The following DNAAF5 variants were observed in gnomAD, a reference collection of about 807,000 sequenced individuals.
The protein encoded by DNAAF5 is dynein axonemal assembly factor 5.
In DNAAF5, 64 loss-of-function variants were observed where a neutral mutation model predicts 75.8. That is an observed-to-expected ratio of 0.84 (90% confidence interval 0.69 to 1.04). The LOEUF (loss-of-function observed/expected upper bound fraction) is 1.04, where lower values mean the gene tolerates loss of function less well. Ranked by LOEUF, DNAAF5 falls within the 50% of genes least tolerant of loss-of-function variation. DNAAF5 has a pLI of 0.00. For synonymous variants in DNAAF5, 657 were observed against 557.2 expected (o/e 1.18, Z -2.52); for missense variants, 1,269 against 1,178.5 (o/e 1.08, Z -1.12).
At chr7:762,337 A>C (rs1215907088) in intron 7 of DNAAF5, among the ~76,000 whole-genome samples, 1 of 152,006 alleles carries the variant, frequency 6.6e-6, no homozygotes, top group African/African-American at 2.4e-5. Flanking sequence ...AATACAAAAA[A>C]TTAGCCAGGC....
rs370779107 is a variant in DNAAF5 at position 756,907 on chromosome 7, G to T, written c.1383G>T (p.Arg461=). Residue 461 remains arginine, a synonymous_variant, in exon 6 of 13, where the codon CGG becomes CGT. Coordinates refer to ENST00000297440, the MANE Select transcript of DNAAF5 (RefSeq NM_017802.4). ...SGLLVLASAM[R]GCPREALQPH... The stretch of plus-strand genomic sequence containing the variant: ...TCCTGGTGCTGGCCTCCGCCATGCG[G>T]GGTTGCCCCCGAGAAGCCCTCCAGC... 1.4e-5 allele frequency: 22 copies of T among 1,611,984 alleles called. No homozygotes were observed. In the African/African-American group the frequency reaches 2.8e-4, roughly 21 times the overall value.
chr7:746,956 T>C (rs1187211784), intron 4 of DNAAF5, among the ~76,000 whole-genome samples: 5 of 152,204 alleles, frequency 3.3e-5, no homozygotes, highest in Non-Finnish European at 7.3e-5. Flanking sequence ...GGCTCATGCA[T>C]GGCACCTGTG....
Position 751,613 on chromosome 7 carries a change from G to T in DNAAF5, c.1025-2976G>T, listed in dbSNP as rs180781065. Among the ~76,000 whole-genome samples, 6 of 128,292 alleles carry T rather than the reference G, an allele frequency of 4.7e-5. No homozygotes were observed. In the Admixed American group the frequency reaches 5.5e-4, roughly 12 times the overall value. The allele number at this position is 128,292 out of a possible 152,430, so 84.2% of individuals were successfully genotyped here. Reference sequence around the variant, plus strand: ...TTTTGAGATGGAGTCTCACTCTGTCGCCCAGGCTGGAGTGCAGTGGTGTAA... The same window carrying T: ...TTTTGAGATGGAGTCTCACTCTGTCTCCCAGGCTGGAGTGCAGTGGTGTAA... On this transcript the variant is annotated intron_variant, in intron 4 of 12. Coordinates refer to ENST00000297440, the MANE Select transcript of DNAAF5 (RefSeq NM_017802.4).
intron 4 of DNAAF5, among the ~76,000 whole-genome samples, chr7:746,590 C>A (rs1262853457): frequency 6.6e-6 from 1 of 151,042 alleles, no homozygotes; most frequent in Non-Finnish European, 1.5e-5. Context: ...CTTTTCCCCG[C>A]CCGTCGTGCC....
At chr7:731,876 A>AC (rs1781597016) in intron 2 of DNAAF5, among the ~76,000 whole-genome samples, 1 of 150,496 alleles carries the variant, frequency 6.6e-6, no homozygotes, top group Non-Finnish European at 1.5e-5. Flanking sequence ...CAGCCCTGCG[A>AC]CCCCGTCCTG....
At chr7:783,733 C>T (rs996024563) in intron 12 of DNAAF5, among the ~76,000 whole-genome samples, 2 of 151,838 alleles carry the variant, frequency 1.3e-5, no homozygotes, top group African/African-American at 4.8e-5. Context: ...CCCCACACTC[C>T]CTGGCAAATC....
intron 4 of DNAAF5, among the ~76,000 whole-genome samples, chr7:749,218 G>A (rs930116147): frequency 5.9e-5 from 9 of 152,222 alleles, no homozygotes; most frequent in Admixed American, 3.9e-4. Flanking sequence ...CACGCCTGGT[G>A]TGTATCTGAC....
intron 8 of DNAAF5, among the ~76,000 whole-genome samples, chr7:766,510 G>C (rs920464308): frequency 6.6e-6 from 1 of 152,172 alleles, no homozygotes; most frequent in South Asian, 2.1e-4. Flanking sequence ...ACATTGATTT[G>C]ACTATATACA....
Position 750,308 on chromosome 7 carries a change from C to T in DNAAF5, c.1025-4281C>T, listed in dbSNP as rs1048034169. On this transcript the variant is annotated intron_variant, in intron 4 of 12. Transcript: ENST00000297440. ...AGGCTGCGCCATCTAGGCTTGTGTA[C>T]GTCACTGTAGTACGTTCACACGGCA... Among the ~76,000 whole-genome samples, 8 of 152,326 alleles carry T rather than the reference C, an allele frequency of 5.3e-5. No homozygotes were observed. The South Asian group carries it at 8.3e-4, about 16-fold the overall frequency.
In DNAAF5 at chr7:780,471, G is replaced by A. The variant is rs536102401; in HGVS notation, c.2431+327G>A. Among the ~76,000 whole-genome samples the A allele has an allele frequency of 3.9e-5, 6 of 152,360 alleles. No individual in the cohort carries two copies. In the East Asian group the frequency reaches 5.8e-4, roughly 15 times the overall value. On this transcript the variant is annotated intron_variant, in intron 12 of 12. Coordinates refer to ENST00000297440, the MANE Select transcript of DNAAF5 (RefSeq NM_017802.4). ...AATACTTTCCAAAACAAAATCATCT[G>A]CAAGAACGATTTTTGCAAATGTCTT...
At chr7:727,416 C>A in intron 1 of DNAAF5, 101 bp downstream of exon 1, 1 of 551,836 alleles carries the variant, frequency 1.8e-6, no homozygotes, top group East Asian at 4.4e-5. Flanking sequence ...GGCCCCGCCC[C>A]CCTCCACGCC....
rs1039124490 is a variant in DNAAF5, at chr7:726,849, G to T, written c.129G>T (p.Lys43Asn). The T allele has an allele frequency of 7.6e-7, 1 of 1,321,126 alleles. No individual in the cohort carries two copies. Among genetic ancestry groups the T allele is most frequent in the Non-Finnish European group, 9.6e-7 (1 of 1,038,460 alleles). 81.8% of individuals were successfully genotyped at this position (1,321,126 alleles called of 1,614,324 possible). A position where few individuals can be genotyped will look rare whatever the true frequency, so the allele number is the denominator to read the frequency against. Residue 43 changes from lysine (K) to asparagine (N), a missense_variant, in exon 1 of 13, where the codon AAG (lysine) becomes AAT (asparagine). Coordinates refer to ENST00000297440, the MANE Select transcript of DNAAF5 (RefSeq NM_017802.4). ...RLLPGLEADS[K>N]PGRRRALEAL... ...TGCCGGGGCTGGAGGCCGACAGCAA[G>T]CCGGGCCGGCGGCGCGCCTTGGAGG... is the stretch of plus-strand genomic sequence containing the variant.
At chr7:762,825 G>A (rs1238925367) in intron 7 of DNAAF5, among the ~76,000 whole-genome samples, 1 of 152,154 alleles carries the variant, frequency 6.6e-6, no homozygotes, top group Non-Finnish European at 1.5e-5. Context: ...CGTTGGCCAG[G>A]TTGGTCTCAA....
At chr7:759,402 G>A (rs1469540096) in intron 6 of DNAAF5, among the ~76,000 whole-genome samples, 2 of 152,132 alleles carry the variant, frequency 1.3e-5, no homozygotes, top group Non-Finnish European at 2.9e-5. Flanking sequence ...AGGAGTTTAG[G>A]ACAGGTGTCT....
intron 1 of DNAAF5, among the ~76,000 whole-genome samples, chr7:729,398 C>A (rs1390330947): frequency 6.6e-6 from 1 of 152,256 alleles, no homozygotes; most frequent in East Asian, 1.9e-4. Flanking sequence ...CACCCCCAGC[C>A]TTTCCCCGCT....
intron 6 of DNAAF5, among the ~76,000 whole-genome samples, chr7:758,769 G>A (rs926552051): frequency 8.6e-5 from 13 of 151,934 alleles, no homozygotes; most frequent in Non-Finnish European, 1.5e-4. Flanking sequence ...TGCAGCCTCC[G>A]CCTCCCAGGT....
At chr7:735,652 C>T (rs147290446) in intron 2 of DNAAF5, among the ~76,000 whole-genome samples, 11 of 152,272 alleles carry the variant, frequency 7.2e-5, no homozygotes, top group South Asian at 2.1e-4. Flanking sequence ...ATGTCCTCTT[C>T]GATCTCTGAT....
At chr7:738,529 G>A (rs1781804705) in intron 2 of DNAAF5, among the ~76,000 whole-genome samples, 2 of 151,834 alleles carry the variant, frequency 1.3e-5, no homozygotes, top group South Asian at 4.2e-4. Context: ...GTCTGGGCTT[G>A]TTTGTACCCA....
intron 2 of DNAAF5, among the ~76,000 whole-genome samples, chr7:736,008 C>T (rs1174254982): frequency 6.6e-6 from 1 of 152,156 alleles, no homozygotes; most frequent in East Asian, 1.9e-4. Context: ...TTAATTTCTT[C>T]ATTGACCCAC....
Sources: gnomAD v4.1 joint callset for allele counts (sites outside exome capture counted in the v4.1 genomes callset) on GRCh38, gnomAD v4.1.1 for gene constraint, MANE v1.5 for transcripts, NCBI Gene and HGNC (gene_info 2026-07-23, HGNC 2026-07-21) for gene names.